ARMC8: variants seen among roughly 807,000 people sequenced by gnomAD.
The protein encoded by ARMC8 is armadillo repeat-containing protein 8.
A neutral mutation model predicts 99.3 loss-of-function variants in ARMC8; 20 were observed. That is an observed-to-expected ratio of 0.20 (90% CI 0.14 to 0.29). ARMC8 has a LOEUF of 0.29. ARMC8 is among the 10% of genes least tolerant of loss of function. The probability of loss-of-function intolerance (pLI) is 1.00; values close to 1 mark genes in which losing one functional copy is unlikely to be tolerated. For missense variants in ARMC8, 569 were observed against 809.5 expected (o/e 0.70, Z 3.60); for synonymous variants, 263 against 278.3 (o/e 0.95, Z 0.55).
chr3:138,241,994 T>C lies in ARMC8; in HGVS notation c.1038+11T>C. The C allele has an allele frequency of 1.9e-6, 3 of 1,611,900 alleles. No homozygotes were observed. Among genetic ancestry groups the C allele is most frequent in the Non-Finnish European group, 2.5e-6 (3 of 1,178,384 alleles). On this transcript the variant is annotated intron_variant, in intron 11 of 21. Coordinates refer to ENST00000469044, the MANE Select transcript of ARMC8 (RefSeq NM_001363941.2). ...ACTGATATTAAAAGGGTATGTTATT[T>C]TCCTTTTTTAGCAGCTCAAGGGAGA... is the stretch of plus-strand genomic sequence containing the variant.
In ARMC8 at chr3:138,255,206, G is replaced by GTT. The variant is rs1319216904; in HGVS notation, c.1135-8520_1135-8519dup. On this transcript the variant is annotated intron_variant, in intron 12 of 21. Coordinates refer to ENST00000469044, the MANE Select transcript of ARMC8 (RefSeq NM_001363941.2). ...GTTCTGTTCTGTTTTTTTTTTTTTT[G>GTT]TTTTTTTTTTTTTTGAGATGGAGTC... Among the ~76,000 whole-genome samples the GTT allele has an allele frequency of 2.4e-3, 272 of 115,176 alleles. 2 individuals carry two copies. Among genetic ancestry groups the GTT allele is most frequent in the African/African-American group, 5.7e-3 (185 of 32,372 alleles). The allele number at this position is 115,176 out of a possible 152,430, so 75.6% of individuals were successfully genotyped here. A position where few individuals can be genotyped will look rare whatever the true frequency, so the allele number is the denominator to read the frequency against.
In ARMC8 at chr3:138,284,500, A is replaced by G. The variant is rs1344099002; in HGVS notation, c.1795A>G (p.Ile599Val). Residue 599 changes from isoleucine (I) to valine (V), a missense_variant, in exon 19 of 22, where the codon ATC (isoleucine) becomes GTC (valine). Physicochemically the swap from Ile to Val is conservative, Grantham distance 29. Transcript: ENST00000469044. ...AGATCTTATTATGACCAATGATGAT[A>G]TCCTACAGAAAATCAAGTATTACAT... ...AKDLIMTNDD[I>V]LQKIKYYMGH... 3 of 1,613,118 alleles carry G rather than the reference A, an allele frequency of 1.9e-6. No individual in the cohort carries two copies. Among genetic ancestry groups the G allele is most frequent in the Non-Finnish European group, 2.5e-6 (3 of 1,179,180 alleles).
intron 12 of ARMC8, among the ~76,000 whole-genome samples, chr3:138,254,179 T>G (rs1042423269): frequency 2.0e-5 from 3 of 152,242 alleles, no homozygotes; most frequent in Non-Finnish European, 4.4e-5. Context: ...CATTTTATTC[T>G]GTAGACAGCT....
intron 20 of ARMC8, among the ~76,000 whole-genome samples, chr3:138,289,462 G>A (rs1185190761): frequency 6.6e-6 from 1 of 152,208 alleles, no homozygotes; most frequent in Non-Finnish European, 1.5e-5. Context: ...TGAGCCTTTC[G>A]TTTTGAGCAG....
chr3:138,271,947 C>G (rs1049790233), intron 16 of ARMC8, among the ~76,000 whole-genome samples: 1 of 151,840 alleles, frequency 6.6e-6, no homozygotes, highest in African/African-American at 2.4e-5. Flanking sequence ...AGGCGTGTGC[C>G]ACCACACCTG....
Position 138,199,026 on chromosome 3 carries a change from C to T in ARMC8, c.46-10791C>T, listed in dbSNP as rs941398617. Among the ~76,000 whole-genome samples the T allele has an allele frequency of 4.6e-5, 7 of 152,150 alleles. No homozygotes were observed. In the East Asian group the frequency reaches 1.4e-3, roughly 29 times the overall value. ...TTAAAGTAGATTCCATGCTAGGAAT[C>T]TCAGTTTCCTTAGTATGTTACATTC... On this transcript the variant is annotated intron_variant, in intron 1 of 21. Transcript: ENST00000469044.
In ARMC8 at chr3:138,223,427, A is replaced by C; in HGVS notation, c.233A>C (p.Glu78Ala). 1 of 1,614,132 alleles carries C rather than the reference A, an allele frequency of 6.2e-7. No homozygotes were observed. Among genetic ancestry groups the C allele is most frequent in the Non-Finnish European group, 8.5e-7 (1 of 1,179,998 alleles). ...YLLQQETSST[E>A]LKTECAVVLG... ...CTTCAGCAAGAAACCTCAAGCACAG[A>C]GCTGAAAACTGAATGTGCAGTGGTG... Residue 78 changes from glutamate (E) to alanine (A), a missense_variant, in exon 4 of 22, where the codon GAG (glutamate) becomes GCG (alanine). By Grantham distance (107) the Glu-to-Ala change is moderately radical. Transcript: ENST00000469044.
At chr3:138,268,818 G>T (rs112035136) in intron 15 of ARMC8, among the ~76,000 whole-genome samples, 1 of 152,090 alleles carries the variant, frequency 6.6e-6, no homozygotes, top group African/African-American at 2.4e-5. Flanking sequence ...GAACCAAAGT[G>T]GGGGAGGGAA....
chr3:138,216,971 T>A (rs2045084742), intron 2 of ARMC8, among the ~76,000 whole-genome samples: 1 of 152,338 alleles, frequency 6.6e-6, no homozygotes, highest in East Asian at 1.9e-4. Flanking sequence ...TATTTTTGTA[T>A]TTAAATATGT....
intron 2 of ARMC8, among the ~76,000 whole-genome samples, chr3:138,220,809 C>T (rs1389098687): frequency 1.3e-5 from 2 of 151,540 alleles, no homozygotes; most frequent in Non-Finnish European, 2.9e-5. Context: ...CCTACCTTAG[C>T]CCCCCAGGTA....
At chr3:138,204,144 G>C (rs2044231627) in intron 1 of ARMC8, among the ~76,000 whole-genome samples, 2 of 152,044 alleles carry the variant, frequency 1.3e-5, no homozygotes, top group Non-Finnish European at 2.9e-5. Context: ...CAGTGGCTTG[G>C]ATCTTGTGGA....
Position 138,247,458 on chromosome 3 carries a change from A to C in ARMC8, c.1134+2275A>C, listed in dbSNP as rs530650233. Among the ~76,000 whole-genome samples, 5 of 152,316 alleles carry C rather than the reference A, an allele frequency of 3.3e-5. No individual in the cohort carries two copies. In the East Asian group the frequency reaches 9.6e-4, roughly 29 times the overall value. ...TCAATCCCTACTTCTCCCCCTCAAA[A>C]ACCAACAAAAAGTTTGTTTGTTTCA... On this transcript the variant is annotated intron_variant, in intron 12 of 21. Transcript: ENST00000469044.
intron 2 of ARMC8, among the ~76,000 whole-genome samples, chr3:138,220,163 G>A (rs2045314015): frequency 6.6e-6 from 1 of 152,188 alleles, no homozygotes; most frequent in Non-Finnish European, 1.5e-5. Flanking sequence ...TCCATATGCT[G>A]ATGATTAGGA....
intron 2 of ARMC8, among the ~76,000 whole-genome samples, chr3:138,221,604 T>C (rs1379397929): frequency 1.3e-5 from 2 of 152,204 alleles, no homozygotes; most frequent in African/African-American, 4.8e-5. Context: ...ACTCACTCCC[T>C]ACTCTTAGAG....
At chr3:138,202,691 C>T (rs2044148192) in intron 1 of ARMC8, among the ~76,000 whole-genome samples, 2 of 152,128 alleles carry the variant, frequency 1.3e-5, no homozygotes, top group East Asian at 1.9e-4. Context: ...AAATTCATAC[C>T]TAAGTCTTCA....
At chr3:138,295,184 C>G (rs1051657109) in intron 21 of ARMC8, among the ~76,000 whole-genome samples, 2 of 152,166 alleles carry the variant, frequency 1.3e-5, no homozygotes, top group African/African-American at 2.4e-5. Flanking sequence ...CAGGTGTGAG[C>G]CACAGCACCC....
intron 14 of ARMC8, among the ~76,000 whole-genome samples, chr3:138,265,988 CAG>C (rs1264619775): frequency 6.6e-6 from 1 of 152,176 alleles, no homozygotes; most frequent in Non-Finnish European, 1.5e-5. Context: ...CAGGAGCTGT[CAG>C]GGGGACACCA....
In ARMC8 at chr3:138,188,720, A is replaced by G. The variant is rs113757251; in HGVS notation, c.45+1121A>G. Among the ~76,000 whole-genome samples the G allele has an allele frequency of 8.6e-3, 1,305 of 152,272 alleles. 21 individuals carry two copies. Among genetic ancestry groups the G allele is most frequent in the African/African-American group, 0.03 (1,248 of 41,548 alleles). On this transcript the variant is annotated intron_variant, in intron 1 of 21. Coordinates refer to ENST00000469044, the MANE Select transcript of ARMC8 (RefSeq NM_001363941.2). ...TCTTCTCTGACTTGTCCCACAAACA[A>G]ACTCACCTATCTGAAAACACCTAGG...
At chr3:138,252,760 C>CG (rs1332877118) in intron 12 of ARMC8, among the ~76,000 whole-genome samples, 1 of 52,372 alleles carries the variant, frequency 1.9e-5, no homozygotes, top group Non-Finnish European at 5.8e-5. Flanking sequence ...CCCCCCCCCC[C>CG]CCACCCGGCC....
Sources: gnomAD v4.1 joint callset for allele counts (sites outside exome capture counted in the v4.1 genomes callset) on GRCh38, gnomAD v4.1.1 for gene constraint, MANE v1.5 for transcripts, NCBI Gene and HGNC (gene_info 2026-07-23, HGNC 2026-07-21) for gene names.